Variants in BSN observed in about 807,000 individuals in gnomAD.
The protein encoded by BSN is bassoon presynaptic cytomatrix protein.
A neutral mutation model predicts 264.8 loss-of-function variants in BSN; 57 were observed. The observed-to-expected ratio is 0.22, with a 90% CI of 0.17 to 0.27. The LOEUF is 0.27. Among genes scored for constraint, BSN ranks in the 10% least tolerant of loss-of-function variants. BSN has a pLI of 1.00. For synonymous variants in BSN, 2,059 were observed against 2,137.3 expected (o/e 0.96, Z 1.01); for missense variants, 4,615 against 5,232.5 (o/e 0.88, Z 3.64).
Position 49,554,756 on chromosome 3 carries a change from G to T in BSN, c.154G>T (p.Ala52Ser), listed in dbSNP as rs895852028. 4 of 1,230,804 alleles carry T rather than the reference G, an allele frequency of 3.2e-6. No individual in the cohort carries two copies. Among genetic ancestry groups the T allele is most frequent in the Non-Finnish European group, 4.1e-6 (4 of 986,024 alleles). 76.2% of individuals were successfully genotyped at this position (1,230,804 alleles called of 1,614,324 possible). A position where few individuals can be genotyped will look rare whatever the true frequency, so the allele number is the denominator to read the frequency against. ...CGGACAGCTCCCCGCGGCGGGAGCA[G>T]CGCGGTCGACCGCGGTACCACCGGT... is the stretch of plus-strand genomic sequence containing the variant. Reference protein sequence around the residue: ...GGGQLPAAGAARSTAVPPVPG... With the variant: ...GGGQLPAAGASRSTAVPPVPG... The change falls in exon 1 of 12, where the codon GCG (alanine) becomes TCG (serine). Residue 52 changes from alanine (A) to serine (S), a missense_variant. Ala to Ser is a moderately conservative substitution (Grantham distance 99). Coordinates refer to ENST00000296452, the MANE Select transcript of BSN (RefSeq NM_003458.4).
At position 49,662,389 on chromosome 3, in the gene BSN, GCCCTGCCGGAGGGCCCCT is replaced by G; in HGVS notation, c.10549_10566del (p.Ala3517_Pro3522del). 1 of 1,613,494 alleles carries G rather than the reference GCCCTGCCGGAGGGCCCCT, an allele frequency of 6.2e-7. No individual in the cohort carries two copies. The highest frequency in any genetic ancestry group is 8.5e-7 in the Non-Finnish European group (1 of 1,179,964). On this transcript the variant is annotated inframe_deletion, in exon 6 of 12. Transcript: ENST00000296452. ...CCCGTCAGTCCTTTGGGGAGGCCCCGCCCTGCCGGAGGGCCCCTCCCTCCCGGCGGGGATACCTGCCCA... is the reference window on the plus strand; with the variant it reads ...CCCGTCAGTCCTTTGGGGAGGCCCCGCCCTCCCGGCGGGGATACCTGCCCA...
At chr3:49,582,781 C>G (rs1253312456) in intron 1 of BSN, among the ~76,000 whole-genome samples, 1 of 152,048 alleles carries the variant, frequency 6.6e-6, no homozygotes, top group Non-Finnish European at 1.5e-5. Context: ...TAGCTGTGAA[C>G]TTTTCATAAA....
Position 49,663,411 on chromosome 3 carries a change from G to A in BSN, c.11253G>A (p.Gln3751=). 1.9e-6 allele frequency: 3 copies of A among 1,612,888 alleles called. No individual in the cohort carries two copies. The highest frequency in any genetic ancestry group is 2.5e-6 in the Non-Finnish European group (3 of 1,179,996). The change falls in exon 7 of 12, where the codon CAG becomes CAA. Residue 3751 remains glutamine, a synonymous_variant. Coordinates refer to ENST00000296452, the MANE Select transcript of BSN (RefSeq NM_003458.4). The part of the protein sequence containing the change: ...PQAQPQLQGR[Q]AAPGPQQSQS... The stretch of plus-strand genomic sequence containing the variant: ...CGCAGCCGCAGCTGCAAGGTCGGCA[G>A]GCAGCTCCAGGACCACAGCAGTCAC...
intron 3 of BSN, among the ~76,000 whole-genome samples, chr3:49,649,813 C>T (rs2052527426): frequency 1.3e-5 from 2 of 152,334 alleles, no homozygotes; most frequent in South Asian, 2.1e-4. Flanking sequence ...GTAGAGGATC[C>T]TGAGAGTGGT....
chr3:49,615,827 G>A (rs1467892949), intron 1 of BSN, among the ~76,000 whole-genome samples: 1 of 152,182 alleles, frequency 6.6e-6, no homozygotes, highest in African/African-American at 2.4e-5. Context: ...CTGGTGGAGG[G>A]TAGGACTGAA....
At chr3:49,589,082 A>T (rs1427300575) in intron 1 of BSN, among the ~76,000 whole-genome samples, 12 of 132,458 alleles carry the variant, frequency 9.1e-5, no homozygotes, top group Admixed American at 1.6e-4. Context: ...GCCTGGCTAA[A>T]TTTTTTTTTT....
At chr3:49,567,756 G>T (rs1575425304) in intron 1 of BSN, among the ~76,000 whole-genome samples, 1 of 152,218 alleles carries the variant, frequency 6.6e-6, no homozygotes. Context: ...CACTATTCTG[G>T]TCACAGATTC....
chr3:49,634,085 G>T (rs1488022502), intron 2 of BSN, among the ~76,000 whole-genome samples: 2 of 152,160 alleles, frequency 1.3e-5, no homozygotes, highest in Non-Finnish European at 2.9e-5. Context: ...GCCCATGCCT[G>T]TAGTCCCAGC....
Position 49,660,401 on chromosome 3 carries a change from C to T in BSN, c.8641-85C>T. 6.6e-7 allele frequency: 1 copy of T among 1,504,176 alleles called. No individual in the cohort carries two copies. Among genetic ancestry groups the T allele is most frequent in the Non-Finnish European group, 8.9e-7 (1 of 1,127,756 alleles). The allele number at this position is 1,504,176 out of a possible 1,614,324, so 93.2% of individuals were successfully genotyped here. On this transcript the variant is annotated intron_variant, in intron 5 of 11. Transcript: ENST00000296452. The surrounding 1 kb of genome is among the most constrained non-coding windows in gnomAD (Gnocchi z 7.1). ...AGATGGAACCCAGCTCCTTCCCCAGCCCAGGCCTGGGTTCTGCCACCCCAC... is the reference window on the plus strand; with the variant it reads ...AGATGGAACCCAGCTCCTTCCCCAGTCCAGGCCTGGGTTCTGCCACCCCAC...
chr3:49,653,527 C>G lies in BSN; in HGVS notation c.3971C>G (p.Ser1324Cys). The part of the protein sequence containing the change: ...PTQLAAPVSF[S>C]TPTSSDSSGG... ...CAGCTCGCTGCCCCTGTGTCCTTCT[C>G]TACCCCCACCTCCTCAGACAGCAGC... Residue 1324 changes from serine (S) to cysteine (C), a missense_variant, in exon 5 of 12, where the codon TCT becomes TGT. This residue lies in a region of BSN where 3,415 missense variants were observed against 3,866.4 expected (regional missense o/e 0.88). Coordinates refer to ENST00000296452, the MANE Select transcript of BSN (RefSeq NM_003458.4). This position sits in a 1 kb window ranked among gnomAD's most constrained non-coding sequence, Gnocchi z 6.3. 6.2e-7 allele frequency: 1 copy of G among 1,613,980 alleles called. No individual in the cohort carries two copies. The highest frequency in any genetic ancestry group is 8.5e-7 in the Non-Finnish European group (1 of 1,179,962).
Position 49,656,084 on chromosome 3 carries a change from A to G in BSN, c.6528A>G (p.Ala2176=), listed in dbSNP as rs777527382. 1 of 1,611,590 alleles carries G rather than the reference A, an allele frequency of 6.2e-7. No homozygotes were observed. Among genetic ancestry groups the G allele is most frequent in the South Asian group, 1.1e-5 (1 of 90,966 alleles). ...GGCCTGCAGCAGGCCAAGGAACAGC[A>G]GTCAGACAGCTGCTGCCGTCCACAG... ...QYGPAAGQGT[A]VRQLLPSTAT... The change falls in exon 5 of 12, where the codon GCA becomes GCG. Residue 2176 remains alanine (A), a synonymous_variant. Coordinates refer to ENST00000296452, the MANE Select transcript of BSN (RefSeq NM_003458.4).
intron 2 of BSN, among the ~76,000 whole-genome samples, chr3:49,639,422 T>C (rs1469864460): frequency 2.0e-5 from 3 of 152,004 alleles, no homozygotes; most frequent in Non-Finnish European, 4.4e-5. Flanking sequence ...ATGGTCTCGA[T>C]CTCCTGACCT....
intron 1 of BSN, among the ~76,000 whole-genome samples, chr3:49,600,743 C>T (rs1201996851): frequency 1.3e-5 from 2 of 152,052 alleles, no homozygotes; most frequent in Non-Finnish European, 2.9e-5. Context: ...GGTCGAGGCT[C>T]TAGTGAGCTG....
In BSN at chr3:49,653,243, T is replaced by C. The variant is rs1441433348; in HGVS notation, c.3687T>C (p.Tyr1229=). 1.2e-6 allele frequency: 2 copies of C among 1,612,408 alleles called. No individual in the cohort carries two copies. The highest frequency in any genetic ancestry group is 2.7e-5 in the African/African-American group (2 of 74,836). ...CCCGGGGCCTGGGCTCCTTCGAATATCAAGACACTACAGACCGTGAGTATG... is the reference window on the plus strand; with the variant it reads ...CCCGGGGCCTGGGCTCCTTCGAATACCAAGACACTACAGACCGTGAGTATG... ...TGPRGLGSFE[Y]QDTTDREYGQ... The change falls in exon 5 of 12, where the codon TAT becomes TAC. Residue 1229 remains tyrosine (Y), a synonymous_variant. Transcript: ENST00000296452. The surrounding 1 kb of genome is among the most constrained non-coding windows in gnomAD (Gnocchi z 6.3).
rs2052742609 is a variant in BSN, at chr3:49,669,825, ATGC to A, written c.*2342_*2344del. ...CTCTCTGCATCTGTCCCCAGGACCT[ATGC>A]TCCCTGCTCACCCCCTTCTCCAAAG... On this transcript the variant is annotated 3_prime_UTR_variant, in exon 12 of 12. Transcript: ENST00000296452. The A allele has an allele frequency of 6.6e-6, 1 of 152,522 alleles. No individual in the cohort carries two copies. The allele number at this position is 152,522 out of a possible 1,614,324, so 9.4% of individuals were successfully genotyped here. A position where few individuals can be genotyped will look rare whatever the true frequency, so the allele number is the denominator to read the frequency against.
intron 2 of BSN, among the ~76,000 whole-genome samples, chr3:49,639,472 A>T (rs892988146): frequency 1.3e-5 from 2 of 152,124 alleles, no homozygotes; most frequent in African/African-American, 4.8e-5. Flanking sequence ...TGCTGGGATT[A>T]CAGGCGTGAG....
intron 1 of BSN, among the ~76,000 whole-genome samples, chr3:49,607,811 G>A (rs1292644042): frequency 1.3e-5 from 2 of 152,226 alleles, no homozygotes; most frequent in Non-Finnish European, 2.9e-5. Context: ...AGTAGAGGAG[G>A]GAGCTCCTGG....
chr3:49,659,452 A>G (rs912618543), intron 5 of BSN, among the ~76,000 whole-genome samples: 2 of 152,164 alleles, frequency 1.3e-5, no homozygotes, highest in African/African-American at 4.8e-5. Flanking sequence ...GCACACTATA[A>G]TTTTTATTAT....
At chr3:49,584,777 A>C (rs956343720) in intron 1 of BSN, among the ~76,000 whole-genome samples, 1 of 152,118 alleles carries the variant, frequency 6.6e-6, no homozygotes, top group Non-Finnish European at 1.5e-5. Context: ...CACCTCTTCC[A>C]CCACCCTCCC....
Sources: allele counts gnomAD v4.1 joint callset (sites outside exome capture counted in the v4.1 genomes callset), GRCh38; gene constraint gnomAD v4.1.1; regional missense constraint gnomAD v4.1.1; non-coding constraint Gnocchi (gnomAD v3.1); transcripts MANE v1.5; gene names NCBI Gene and HGNC (gene_info 2026-07-23, HGNC 2026-07-21).